PITPNC1: variants seen among roughly 807,000 people sequenced by gnomAD.
PITPNC1 encodes the protein phosphatidylinositol transfer protein cytoplasmic 1, also known as cytoplasmic phosphatidylinositol transfer protein 1.
A neutral mutation model predicts 44.7 loss-of-function variants in PITPNC1; 18 were observed. That is an observed-to-expected ratio of 0.40 (90% CI 0.28 to 0.60). The LOEUF is 0.60. Ranked by LOEUF, PITPNC1 falls within the 20% of genes least tolerant of loss-of-function variation. PITPNC1 has a pLI of 0.39. For synonymous variants in PITPNC1, 141 were observed against 149.6 expected, an observed-to-expected ratio of 0.94 and a Z score of 0.42; for missense variants, 290 against 418.4, an observed-to-expected ratio of 0.69 and a Z score of 2.68.
chr17:67,418,418 A>G (rs2038617080), intron 1 of PITPNC1, among the ~76,000 whole-genome samples: 1 of 152,186 alleles, frequency 6.6e-6, no homozygotes. Context: ...TTTCATGCAA[A>G]AAGTTCCTAT....
Position 67,597,213 on chromosome 17 carries a change from C to T in PITPNC1, c.366+18956C>T, listed in dbSNP as rs550956227. The stretch of plus-strand genomic sequence containing the variant: ...CTGGCCCCAAATAATTTATATAAGC[C>T]ATTTATCATAGTTCCTGACATATCA... On this transcript the variant is annotated intron_variant, in intron 5 of 8. Coordinates refer to ENST00000581322, the MANE Select transcript of PITPNC1 (RefSeq NM_012417.4). This position sits in a 1 kb window ranked among gnomAD's most constrained non-coding sequence, Gnocchi z 4.0. Among the ~76,000 whole-genome samples, 7 of 152,134 alleles carry T rather than the reference C, an allele frequency of 4.6e-5. No homozygotes were observed. The highest frequency in any genetic ancestry group is 1.4e-4 in the African/African-American group (6 of 41,496).
chr17:67,634,088 T>C (rs2042002363), intron 6 of PITPNC1, among the ~76,000 whole-genome samples: 1 of 152,222 alleles, frequency 6.6e-6, no homozygotes, highest in Admixed American at 6.5e-5. Context: ...CTTCCTTTCA[T>C]TCACACAGAC....
intron 1 of PITPNC1, among the ~76,000 whole-genome samples, chr17:67,447,177 G>A (rs1169036482): frequency 6.6e-6 from 1 of 150,872 alleles, no homozygotes; most frequent in Non-Finnish European, 1.5e-5. Flanking sequence ...GAATCGGAGA[G>A]TGGCCAACCT....
At chr17:67,583,865 T>TTGTGTGTG (rs771258752) in intron 5 of PITPNC1, among the ~76,000 whole-genome samples, 5 of 118,446 alleles carry the variant, frequency 4.2e-5, no homozygotes, top group Non-Finnish European at 9.1e-5. Context: ...CTGGCTAATT[T>TTGTGTGTG]TGTGTGTGTG....
At chr17:67,459,257 A>T (rs746934507) in intron 1 of PITPNC1, among the ~76,000 whole-genome samples, 16 of 151,450 alleles carry the variant, frequency 1.1e-4, no homozygotes, top group Non-Finnish European at 1.5e-4. Flanking sequence ...AGCTGGGATT[A>T]CAGGTGTGGG....
chr17:67,429,737 A>G (rs117814942), intron 1 of PITPNC1, among the ~76,000 whole-genome samples: 1,862 of 152,064 alleles, frequency 0.012, 26 homozygotes, highest in Non-Finnish European at 0.014. Flanking sequence ...TTCTACCACC[A>G]TTATTCTTTT....
At chr17:67,648,017 A>G (rs1292846983) in intron 6 of PITPNC1, among the ~76,000 whole-genome samples, 1 of 152,234 alleles carries the variant, frequency 6.6e-6, no homozygotes, top group East Asian at 1.9e-4. Flanking sequence ...TGAAGCTCAA[A>G]TAAGTTTGAA....
At chr17:67,431,788 A>G (rs575356752) in intron 1 of PITPNC1, among the ~76,000 whole-genome samples, 2 of 152,340 alleles carry the variant, frequency 1.3e-5, no homozygotes, top group South Asian at 4.1e-4. Context: ...CAAGGAAGAT[A>G]TGATCACTCT....
chr17:67,488,328 G>A (rs750094810), intron 1 of PITPNC1, among the ~76,000 whole-genome samples: 1 of 152,140 alleles, frequency 6.6e-6, no homozygotes. Context: ...CTGGCAGCCC[G>A]GTTGTTATAT....
rs568676045 is a variant in PITPNC1 at position 67,513,493 on chromosome 17, A to G, written c.49-19309A>G. Among the ~76,000 whole-genome samples, 1,151 of 140,978 alleles carry G rather than the reference A, an allele frequency of 8.2e-3. 13 individuals are homozygous for G. Among genetic ancestry groups the G allele is most frequent in the East Asian group, 0.013 (68 of 5,076 alleles). The allele number at this position is 140,978 out of a possible 152,430, so 92.5% of individuals were successfully genotyped here. ...TTTTACTATATGTGTGTGTGTGTAT[A>G]TATATATATATATATATATAGTAAA... On this transcript the variant is annotated intron_variant, in intron 1 of 8. Transcript: ENST00000581322.
chr17:67,670,087 TAAAAATAAAAAATAA>T (rs1229345239), intron 7 of PITPNC1, among the ~76,000 whole-genome samples: 3 of 151,504 alleles, frequency 2.0e-5, no homozygotes, highest in African/African-American at 7.3e-5. Flanking sequence ...AAATAAGAAA[TAAAAATAAAAAATAA>T]AAAAATAAAA....
chr17:67,455,239 C>G (rs1448863118), intron 1 of PITPNC1, among the ~76,000 whole-genome samples: 2 of 152,078 alleles, frequency 1.3e-5, no homozygotes, highest in Non-Finnish European at 2.9e-5. Flanking sequence ...TTTTAATGGC[C>G]ACATACTATT....
intron 1 of PITPNC1, among the ~76,000 whole-genome samples, chr17:67,504,669 T>C (rs930622873): frequency 6.6e-5 from 10 of 152,228 alleles, no homozygotes; most frequent in African/African-American, 2.4e-4. Context: ...TAAAGTTTTG[T>C]CAATTTTGTT....
intron 6 of PITPNC1, among the ~76,000 whole-genome samples, chr17:67,634,914 A>G (rs2042015753): frequency 6.6e-6 from 1 of 152,122 alleles, no homozygotes; most frequent in South Asian, 2.1e-4. Context: ...TTGCCCGGGC[A>G]TGGTGGCATG....
At chr17:67,383,338 T>G (rs926267146) in intron 1 of PITPNC1, among the ~76,000 whole-genome samples, 2 of 152,182 alleles carry the variant, frequency 1.3e-5, no homozygotes, top group African/African-American at 4.8e-5. Flanking sequence ...AGGTCTGATT[T>G]AAGGCTCAAG....
At chr17:67,627,932 T>C (rs1013991372) in intron 5 of PITPNC1, among the ~76,000 whole-genome samples, 2 of 147,116 alleles carry the variant, frequency 1.4e-5, no homozygotes, top group Non-Finnish European at 1.5e-5. Context: ...TCTTTTTTGT[T>C]TTTTTTTTTT....
intron 1 of PITPNC1, among the ~76,000 whole-genome samples, chr17:67,378,683 G>C (rs2037909660): frequency 6.6e-6 from 1 of 152,142 alleles, no homozygotes; most frequent in Admixed American, 6.5e-5. Flanking sequence ...AGGAACCTCT[G>C]AGCCCTTAGG....
At chr17:67,409,755 C>G (rs963861659) in intron 1 of PITPNC1, among the ~76,000 whole-genome samples, 1 of 152,094 alleles carries the variant, frequency 6.6e-6, no homozygotes, top group African/African-American at 2.4e-5. Flanking sequence ...CCAGGCTGGT[C>G]TCAAACTCCT....
intron 5 of PITPNC1, among the ~76,000 whole-genome samples, chr17:67,626,567 A>T (rs2041897744): frequency 6.6e-6 from 1 of 151,392 alleles, no homozygotes; most frequent in Non-Finnish European, 1.5e-5. Flanking sequence ...ATGGGGTTTC[A>T]CCATGTTGGC....
Sources: allele counts gnomAD v4.1 joint callset (sites outside exome capture counted in the v4.1 genomes callset), GRCh38; gene constraint gnomAD v4.1.1; non-coding constraint Gnocchi (gnomAD v3.1); transcripts MANE v1.5; gene names NCBI Gene and HGNC (gene_info 2026-07-23, HGNC 2026-07-21).